Variants in MYBBP1A observed in about 807,000 individuals in gnomAD.
MYBBP1A encodes the protein myb-binding protein 1A.
A neutral mutation model predicts 136.3 loss-of-function variants in MYBBP1A; 147 were observed. That is an observed-to-expected ratio of 1.08 (90% CI 0.94 to 1.24). The LOEUF (loss-of-function observed/expected upper bound fraction) is 1.24. Ranked by LOEUF, MYBBP1A falls within the 50% of genes most tolerant of loss-of-function variation. The probability of loss-of-function intolerance (pLI) is 0.00; values close to 1 mark genes in which losing one functional copy is unlikely to be tolerated. For synonymous variants in MYBBP1A, 947 were observed against 735.8 expected (o/e 1.29, Z -4.65); for missense variants, 2,060 against 1,727.4 (o/e 1.19, Z -3.41).
At chr17:4,553,464 C>G (rs1907713049) in intron 5 of MYBBP1A, among the ~76,000 whole-genome samples, 1 of 152,214 alleles carries the variant, frequency 6.6e-6, no homozygotes, top group African/African-American at 2.4e-5. Flanking sequence ...CACAGGGCTG[C>G]TGAGCGCCTG....
Position 4,552,333 on chromosome 17 carries a change from G to T in MYBBP1A, c.738-41C>A, listed in dbSNP as rs1398632216. On this transcript the variant is annotated intron_variant, in intron 6 of 25. Coordinates refer to ENST00000254718, the MANE Select transcript of MYBBP1A (RefSeq NM_014520.4). The surrounding 1 kb of genome is among the most constrained non-coding windows in gnomAD (Gnocchi z 4.7). ...GACTCAGGGAACACTTGCCTCACAG[G>T]CAAGGGCCAGGGTGACAAGAGCAGC... 6.2e-7 allele frequency: 1 copy of T among 1,611,568 alleles called. No individual in the cohort carries two copies. The highest frequency in any genetic ancestry group is 8.5e-7 in the Non-Finnish European group (1 of 1,179,194).
At chr17:4,549,948 T>C (rs1051180756) in intron 9 of MYBBP1A, 110 bp downstream of exon 9, 71 of 1,236,988 alleles carry the variant, frequency 5.7e-5, no homozygotes, top group Non-Finnish European at 4.5e-5. Flanking sequence ...CCCTCGCTCC[T>C]CTCATGGTTT....
At chr17:4,551,674 G>T (rs770437982) in intron 8 of MYBBP1A, among the ~76,000 whole-genome samples, 2 of 152,070 alleles carry the variant, frequency 1.3e-5, no homozygotes, top group Middle Eastern at 3.4e-3. Flanking sequence ...TCACCACTGC[G>T]CTCCAGCCTG....
chr17:4,545,864 T>A lies in MYBBP1A; in HGVS notation c.1903A>T (p.Ser635Cys). 6.2e-7 allele frequency: 1 copy of A among 1,613,272 alleles called. No homozygotes were observed. The highest frequency in any genetic ancestry group is 1.1e-5 in the South Asian group (1 of 91,030). ...RKSLGEKPRR[S>C]RTKTIDPQEP... The stretch of plus-strand genomic sequence containing the variant: ...GACCCACCGATGGTCTTGGTGCGGC[T>A]CCGGCGGGGCTTCTCTCCCAGACTT... The change falls in exon 14 of 26, where the codon AGC becomes TGC. Residue 635 changes from serine to cysteine, a missense_variant. Transcript: ENST00000254718.
rs774587371 is a variant in MYBBP1A, at chr17:4,545,195, G to A, written c.2161-20C>T. ...CTTGTCCTGTGTGGTAGAGGCAGGC[G>A]CGTCACACACCTCCCCGATCGTCCC... On this transcript the variant is annotated intron_variant, in intron 16 of 25. Transcript: ENST00000254718. 1.9e-5 allele frequency: 31 copies of A among 1,612,850 alleles called. 1 individual carries two copies. The highest frequency in any genetic ancestry group is 3.3e-4 in the Middle Eastern group (2 of 6,084).
chr17:4,549,224 T>G (rs558980210), intron 10 of MYBBP1A, 108 bp downstream of exon 10: 84 of 934,010 alleles, frequency 9.0e-5, no homozygotes, highest in Non-Finnish European at 1.3e-4. Context: ...CACTGATGAC[T>G]CAACCCAAAG....
rs555746742 is a variant in MYBBP1A, at chr17:4,546,003, G to T, written c.1825-61C>A. The T allele has an allele frequency of 6.0e-6, 9 of 1,508,864 alleles. No homozygotes were observed. In the African/African-American group the frequency reaches 1.1e-4, roughly 18 times the overall value. 93.5% of individuals were successfully genotyped at this position (1,508,864 alleles called of 1,614,324 possible). ...CCTGTCCCCAGCCCTTCTAAACCAG[G>T]CAAGGGGCTGGCCAAATGGCAGCAG... On this transcript the variant is annotated intron_variant, in intron 13 of 25. Coordinates refer to ENST00000254718, the MANE Select transcript of MYBBP1A (RefSeq NM_014520.4).
At chr17:4,541,619 G>A (rs1036074061) in intron 23 of MYBBP1A, 55 bp from the exon 24 acceptor site, 50 of 1,574,046 alleles carry the variant, frequency 3.2e-5, no homozygotes, top group Non-Finnish European at 1.9e-5. Flanking sequence ...AAGCCTTTCT[G>A]TTTCCCAGCC....
Position 4,555,026 on chromosome 17 carries a change from C to G in MYBBP1A, c.199-70G>C, listed in dbSNP as rs1395485350. 8 of 1,595,272 alleles carry G rather than the reference C, an allele frequency of 5.0e-6. No individual in the cohort carries two copies. The East Asian group carries it at 1.1e-4, about 22-fold the overall frequency. On this transcript the variant is annotated intron_variant, in intron 1 of 25. Coordinates refer to ENST00000254718, the MANE Select transcript of MYBBP1A (RefSeq NM_014520.4). ...TGCACGCCCCCGCGCACCCTGGCAT[C>G]CAGGTTCGCGACCACGTGCCCCCAG...
At position 4,545,062 on chromosome 17, in the gene MYBBP1A, T is replaced by C. The variant is rs1464180623; in HGVS notation, c.2274A>G (p.Glu758=). The C allele has an allele frequency of 7.9e-6, 12 of 1,510,610 alleles. No homozygotes were observed. Among genetic ancestry groups the C allele is most frequent in the Non-Finnish European group, 8.9e-6 (10 of 1,125,366 alleles). The allele number at this position is 1,510,610 out of a possible 1,614,324, so 93.6% of individuals were successfully genotyped here. Residue 758 remains glutamate (E), a synonymous_variant, in exon 17 of 26, where the codon GAA becomes GAG. Transcript: ENST00000254718. ...CAGCCTGCAGCACGGTCATCAGCTG[T>C]TCCCGGAAGCCCTGATCCACGTCCC... is the stretch of plus-strand genomic sequence containing the variant. ...RDGDVDQGFR[E]QLMTVLQAGK...
In MYBBP1A at chr17:4,539,183, T is replaced by A. The variant is rs1906092389; in HGVS notation, c.*232A>T. The A allele has an allele frequency of 1.1e-5, 16 of 1,450,288 alleles. No individual in the cohort carries two copies. In the East Asian group the frequency reaches 4.0e-4, roughly 36 times the overall value. 89.8% of individuals were successfully genotyped at this position (1,450,288 alleles called of 1,614,324 possible). On this transcript the variant is annotated 3_prime_UTR_variant, in exon 26 of 26. Coordinates refer to ENST00000254718, the MANE Select transcript of MYBBP1A (RefSeq NM_014520.4). ...CCTGGACATGGCCCTGGAGCCAGGGTCCCAGCCCAGAACCGGGGGTGGGGA... is the reference window on the plus strand; with the variant it reads ...CCTGGACATGGCCCTGGAGCCAGGGACCCAGCCCAGAACCGGGGGTGGGGA...
In MYBBP1A at chr17:4,545,867, G is replaced by C; in HGVS notation, c.1900C>G (p.Arg634Gly). 1 of 1,613,268 alleles carries C rather than the reference G, an allele frequency of 6.2e-7. No homozygotes were observed. The highest frequency in any genetic ancestry group is 8.5e-7 in the Non-Finnish European group (1 of 1,179,968). The change falls in exon 14 of 26, where the codon CGG becomes GGG. Residue 634 changes from arginine (R) to glycine (G), a missense_variant. Arg to Gly is a moderately radical substitution (Grantham distance 125, BLOSUM62 -2). Coordinates refer to ENST00000254718, the MANE Select transcript of MYBBP1A (RefSeq NM_014520.4). Reference sequence around the variant, plus strand: ...CCACCGATGGTCTTGGTGCGGCTCCGGCGGGGCTTCTCTCCCAGACTTTTC... The same window carrying C: ...CCACCGATGGTCTTGGTGCGGCTCCCGCGGGGCTTCTCTCCCAGACTTTTC... The part of the protein sequence containing the change: ...IRKSLGEKPR[R>G]SRTKTIDPQE...
At chr17:4,543,213 C>T in intron 19 of MYBBP1A, 48 bp from the exon 20 acceptor site, 1 of 1,542,230 alleles carries the variant, frequency 6.5e-7, no homozygotes, top group Non-Finnish European at 8.7e-7. Context: ...TCGGTCCACC[C>T]TGCTCCGCCA....
rs145991967 is a variant in MYBBP1A, at chr17:4,548,546, C to A, written c.1534G>T (p.Ala512Ser). Reference protein sequence around the residue: ...SFPLENQAREAVSSAFFSLLQ... With the variant: ...SFPLENQARESVSSAFFSLLQ... ...CACCTGAAGAAGGCACTGCTGACAG[C>A]CTCTCGGGCCTGGTTTTCCAAAGGG... is the stretch of plus-strand genomic sequence containing the variant. Residue 512 changes from alanine to serine, a missense_variant, in exon 11 of 26, where the codon GCT becomes TCT. Transcript: ENST00000254718. This position sits in a 1 kb window ranked among gnomAD's most constrained non-coding sequence, Gnocchi z 4.2. 1 of 1,614,172 alleles carries A rather than the reference C, an allele frequency of 6.2e-7. No homozygotes were observed. The highest frequency in any genetic ancestry group is 8.5e-7 in the Non-Finnish European group (1 of 1,180,040).
intron 19 of MYBBP1A, chr17:4,543,367 G>T (rs2144438524): frequency 3.0e-6 from 2 of 668,990 alleles, no homozygotes; most frequent in Admixed American, 3.0e-5. Flanking sequence ...GGGTGACAGG[G>T]GCGCTCCAGG....
intron 13 of MYBBP1A, among the ~76,000 whole-genome samples, chr17:4,546,443 A>C (rs941833521): frequency 6.6e-6 from 1 of 151,722 alleles, no homozygotes; most frequent in Non-Finnish European, 1.5e-5. Context: ...GCTTTTTCAC[A>C]CCTAATACGC....
chr17:4,540,229 G>C (rs1196335577), intron 25 of MYBBP1A, 119 bp downstream of exon 25: 2 of 1,368,168 alleles, frequency 1.5e-6, no homozygotes, highest in African/African-American at 2.9e-5. Flanking sequence ...TGTGTGTGCA[G>C]CAGCATGCGT....
chr17:4,548,787 G>A lies in MYBBP1A; in HGVS notation c.1431-138C>T. On this transcript the variant is annotated intron_variant, in intron 10 of 25. Coordinates refer to ENST00000254718, the MANE Select transcript of MYBBP1A (RefSeq NM_014520.4). The surrounding 1 kb of genome is among the most constrained non-coding windows in gnomAD (Gnocchi z 4.2). Reference sequence around the variant, plus strand: ...TTCTGCCCTGGGTACAGTCCTCGGGGGCCTGACGGGCAAGGCTGGAGGGGG... The same window carrying A: ...TTCTGCCCTGGGTACAGTCCTCGGGAGCCTGACGGGCAAGGCTGGAGGGGG... 3 of 1,205,876 alleles carry A rather than the reference G, an allele frequency of 2.5e-6. No homozygotes were observed. In the East Asian group the frequency reaches 7.5e-5, roughly 30 times the overall value. 74.7% of individuals were successfully genotyped at this position (1,205,876 alleles called of 1,614,324 possible). A position where few individuals can be genotyped will look rare whatever the true frequency, so the allele number is the denominator to read the frequency against.
In MYBBP1A at chr17:4,552,883, G is replaced by C. The variant is rs1907658296; in HGVS notation, c.562-257C>G. Among the ~76,000 whole-genome samples, 3 of 151,208 alleles carry C rather than the reference G, an allele frequency of 2.0e-5. No individual in the cohort carries two copies. The South Asian group carries it at 6.3e-4, about 32-fold the overall frequency. ...AGAGTCTCACTTTGCCACCCAGGCT[G>C]AGTATAGTGGTGTGATCTTGGCTCA... On this transcript the variant is annotated intron_variant, in intron 5 of 25. Coordinates refer to ENST00000254718, the MANE Select transcript of MYBBP1A (RefSeq NM_014520.4). The surrounding 1 kb of genome is among the most constrained non-coding windows in gnomAD (Gnocchi z 4.7).
Sources: gnomAD v4.1 joint callset for allele counts (sites outside exome capture counted in the v4.1 genomes callset) on GRCh38, gnomAD v4.1.1 for gene constraint, Gnocchi (gnomAD v3.1) non-coding constraint, MANE v1.5 for transcripts, NCBI Gene and HGNC (gene_info 2026-07-23, HGNC 2026-07-21) for gene names.